Variants in ADCY2 observed in about 807,000 individuals in gnomAD.
The protein encoded by ADCY2 is adenylate cyclase 2.
In ADCY2, 31 loss-of-function variants were observed where a neutral mutation model predicts 125.2. The observed-to-expected ratio is 0.25, with a 90% confidence interval of 0.19 to 0.33. ADCY2 has a LOEUF of 0.33. Ranked by LOEUF, ADCY2 falls within the 10% of genes least tolerant of loss-of-function variation. The pLI, the probability that ADCY2 is intolerant of heterozygous loss-of-function variation, is 1.00. For missense variants in ADCY2, 904 were observed against 1,418.2 expected (o/e 0.64, Z 5.82); for synonymous variants, 512 against 548.4 (o/e 0.93, Z 0.93).
At chr5:7,413,189 T>G (rs939663398) in intron 1 of ADCY2, among the ~76,000 whole-genome samples, 1 of 152,194 alleles carries the variant, frequency 6.6e-6, no homozygotes, top group African/African-American at 2.4e-5. Context: ...AAGTTAGAGC[T>G]GCCAGTGGGT....
chr5:7,617,475 T>TTAG (rs1411860733), intron 3 of ADCY2, among the ~76,000 whole-genome samples: 1 of 152,116 alleles, frequency 6.6e-6, no homozygotes, highest in African/African-American at 2.4e-5. Flanking sequence ...TTTATTATTA[T>TTAG]TAGTAGTAGT....
chr5:7,487,102 G>T (rs1246982151), intron 2 of ADCY2, among the ~76,000 whole-genome samples: 5 of 152,206 alleles, frequency 3.3e-5, no homozygotes, highest in Non-Finnish European at 7.3e-5. Context: ...TCTTAAAAAG[G>T]CTATGTGTGT....
At chr5:7,759,810 G>T (rs1255669139) in intron 16 of ADCY2, among the ~76,000 whole-genome samples, 1 of 151,560 alleles carries the variant, frequency 6.6e-6, no homozygotes, top group Non-Finnish European at 1.5e-5. Flanking sequence ...AGATAGAAAC[G>T]CCAGGGCTCA....
intron 4 of ADCY2, among the ~76,000 whole-genome samples, chr5:7,664,302 A>G (rs1478385701): frequency 6.6e-6 from 1 of 152,222 alleles, no homozygotes; most frequent in Non-Finnish European, 1.5e-5. Flanking sequence ...CTCATTTTAA[A>G]AATTTTACTT....
chr5:7,479,263 G>A (rs41324147), intron 2 of ADCY2, among the ~76,000 whole-genome samples: 1,625 of 148,860 alleles, frequency 0.011, 14 homozygotes, highest in African/African-American at 0.03. Flanking sequence ...CCATGGTGTC[G>A]CAGAAACACT....
chr5:7,702,596 A>G (rs1741125090), intron 7 of ADCY2, among the ~76,000 whole-genome samples: 1 of 152,144 alleles, frequency 6.6e-6, no homozygotes, highest in Admixed American at 6.5e-5. Flanking sequence ...CATGGTGTAT[A>G]TGTGCCACAT....
chr5:7,445,581 G>A lies in ADCY2; in HGVS notation c.408+30811G>A, dbSNP rs188063065. 6.6e-5 allele frequency among the ~76,000 whole-genome samples: 10 copies of A among 152,270 alleles called. No homozygotes were observed. The East Asian group carries it at 1.7e-3, about 26-fold the overall frequency. On this transcript the variant is annotated intron_variant, in intron 2 of 24. Transcript: ENST00000338316. ...TTATAACTAAACCTAAAGAGAAGTG[G>A]TGACTTTGTGATCTCATCCAAAAAC... is the stretch of plus-strand genomic sequence containing the variant.
At chr5:7,818,353 C>CT (rs574092399) in intron 23 of ADCY2, among the ~76,000 whole-genome samples, 237 of 141,126 alleles carry the variant, frequency 1.7e-3, no homozygotes, top group Admixed American at 3.3e-3. Context: ...TTTTCTTTTT[C>CT]TTTTTTTTTT....
At chr5:7,493,871 A>G (rs1225862500) in intron 2 of ADCY2, among the ~76,000 whole-genome samples, 3 of 152,150 alleles carry the variant, frequency 2.0e-5, no homozygotes, top group Non-Finnish European at 4.4e-5. Context: ...GGCAGAAAGG[A>G]AACTGAGTCA....
At chr5:7,529,044 C>G (rs1734559073) in intron 3 of ADCY2, among the ~76,000 whole-genome samples, 1 of 152,184 alleles carries the variant, frequency 6.6e-6, no homozygotes, top group Non-Finnish European at 1.5e-5. Context: ...TGTAGCTTGA[C>G]TTCAACAAGA....
intron 15 of ADCY2, among the ~76,000 whole-genome samples, chr5:7,745,263 C>A (rs1742562713): frequency 6.6e-6 from 1 of 152,166 alleles, no homozygotes. Flanking sequence ...GTTAAGATTC[C>A]AAAGCTTGTC....
At chr5:7,537,116 G>C (rs1394216828) in intron 3 of ADCY2, among the ~76,000 whole-genome samples, 1 of 152,038 alleles carries the variant, frequency 6.6e-6, no homozygotes, top group African/African-American at 2.4e-5. Flanking sequence ...GATTCTTATA[G>C]GAAATCTTAC....
intron 3 of ADCY2, among the ~76,000 whole-genome samples, chr5:7,610,278 A>G (rs946138286): frequency 6.6e-6 from 1 of 152,192 alleles, no homozygotes; most frequent in African/African-American, 2.4e-5. Context: ...GAGATTGCCA[A>G]CATTTGAATT....
intron 12 of ADCY2, among the ~76,000 whole-genome samples, chr5:7,720,849 A>G (rs1031629742): frequency 6.6e-6 from 1 of 152,224 alleles, no homozygotes; most frequent in African/African-American, 2.4e-5. Context: ...TAGTGCCGCA[A>G]TAAACATACA....
At chr5:7,648,977 C>T (rs916210052) in intron 4 of ADCY2, among the ~76,000 whole-genome samples, 2 of 152,146 alleles carry the variant, frequency 1.3e-5, no homozygotes, top group African/African-American at 2.4e-5. Context: ...ATCAGTTCTT[C>T]GGCTAAGAAA....
intron 2 of ADCY2, among the ~76,000 whole-genome samples, chr5:7,417,097 T>C (rs1267297151): frequency 1.3e-5 from 2 of 152,192 alleles, no homozygotes; most frequent in Admixed American, 6.5e-5. Context: ...TCCAGAAATA[T>C]GCTCTTTTTG....
chr5:7,751,428 C>A lies in ADCY2; in HGVS notation c.1957-6021C>A, dbSNP rs529175900. On this transcript the variant is annotated intron_variant, in intron 15 of 24. Coordinates refer to ENST00000338316, the MANE Select transcript of ADCY2 (RefSeq NM_020546.3). Reference sequence around the variant, plus strand: ...TATGTTCAGGAGGAACTGCCCCAGCCCCCAGATGGGACATCCCTGCACACT... The same window carrying A: ...TATGTTCAGGAGGAACTGCCCCAGCACCCAGATGGGACATCCCTGCACACT... 1.7e-4 allele frequency among the ~76,000 whole-genome samples: 26 copies of A among 152,188 alleles called. 1 individual carries two copies. In the South Asian group the frequency reaches 5.4e-3, roughly 32 times the overall value.
At chr5:7,759,841 A>G (rs1057093073) in intron 16 of ADCY2, among the ~76,000 whole-genome samples, 1 of 143,878 alleles carries the variant, frequency 7.0e-6, no homozygotes, top group Non-Finnish European at 1.5e-5. Flanking sequence ...TGCTCCATTC[A>G]TCTACCTGAG....
At chr5:7,538,927 G>A (rs1237217258) in intron 3 of ADCY2, among the ~76,000 whole-genome samples, 7 of 140,586 alleles carry the variant, frequency 5.0e-5, no homozygotes, top group East Asian at 4.2e-4. Flanking sequence ...GCAGTGGCAC[G>A]ATCTCAGCTC....
Sources: allele counts gnomAD v4.1 joint callset (sites outside exome capture counted in the v4.1 genomes callset), GRCh38; gene constraint gnomAD v4.1.1; transcripts MANE v1.5; gene names NCBI Gene and HGNC (gene_info 2026-07-23, HGNC 2026-07-21).